The following AKAP9 variants were observed in gnomAD, a reference collection of about 807,000 sequenced individuals.
AKAP9 encodes the protein A-kinase anchoring protein 9.
In AKAP9, 311 loss-of-function variants were observed where a neutral mutation model predicts 488.5. That is an observed-to-expected ratio of 0.64 (90% CI 0.58 to 0.70). AKAP9 has a LOEUF of 0.70. Ranked by LOEUF, AKAP9 falls within the 30% of genes least tolerant of loss-of-function variation. The pLI, the probability that AKAP9 is intolerant of heterozygous loss-of-function variation, is 0.00. For missense variants in AKAP9, 4,215 were observed against 4,374.5 expected (o/e 0.96, Z 1.03); for synonymous variants, 1,462 against 1,483.5 (o/e 0.99, Z 0.33).
Position 92,002,141 on chromosome 7 carries a change from G to T in AKAP9, c.2224G>T (p.Glu742Ter). The T allele has an allele frequency of 1.3e-6, 2 of 1,593,088 alleles. No homozygotes were observed. Among genetic ancestry groups the T allele is most frequent in the South Asian group, 2.3e-5 (2 of 85,342 alleles). Residue 742 changes from glutamate (E) to a stop codon, truncating the protein, a stop_gained, in exon 8 of 50, where the codon GAA (glutamate) becomes TAA (stop). Transcript: ENST00000356239. LOFTEE classifies it high-confidence loss of function. The part of the protein sequence containing the change: ...RQEEKEKGTL[E>*]QEVQELQLKT... ...AGAAGAAAAAGAAAAGGGTACACTT[G>T]AACAAGAAGTTCAAGAATTACAACT...
At position 92,065,252 on chromosome 7, in the gene AKAP9, A is replaced by C; in HGVS notation, c.5999A>C (p.Lys2000Thr). ...VEQQLLQETE[K>T]LMKEKLEVQC... ...ACAGAATTACTACAGGAGACAGAAA[A>C]ATTAATGAAGGAAAAACTAGAAGTA... Residue 2000 changes from lysine (K) to threonine (T), a missense_variant, in exon 25 of 50, where the codon AAA becomes ACA. Transcript: ENST00000356239. 6.2e-7 allele frequency: 1 copy of C among 1,610,488 alleles called. No homozygotes were observed. Among genetic ancestry groups the C allele is most frequent in the African/African-American group, 1.3e-5 (1 of 74,884 alleles).
chr7:92,105,823 C>T (rs2130921777), intron 47 of AKAP9, 60 bp downstream of exon 47: 2 of 1,411,012 alleles, frequency 1.4e-6, no homozygotes, highest in East Asian at 2.3e-5. Flanking sequence ...AGGTCCCCCA[C>T]CCCCAGACTA....
chr7:91,970,509 G>C (rs1422896942), intron 1 of AKAP9: 1 of 456,518 alleles, frequency 2.2e-6, no homozygotes, highest in South Asian at 1.6e-5. Context: ...TGTCAGACAG[G>C]TATGTGTTAG....
intron 11 of AKAP9, among the ~76,000 whole-genome samples, chr7:92,016,578 G>T (rs1378715334): frequency 1.3e-5 from 2 of 151,848 alleles, no homozygotes; most frequent in East Asian, 3.9e-4. Context: ...TAAAGTTATT[G>T]TATTTATTGA....
chr7:91,948,676 A>G (rs1027884576), intron 1 of AKAP9, among the ~76,000 whole-genome samples: 3 of 147,416 alleles, frequency 2.0e-5, no homozygotes, highest in Non-Finnish European at 4.4e-5. Context: ...CAATGGCGCA[A>G]CCTCAGCTCA....
chr7:92,080,599 CA>C (rs34870789), intron 31 of AKAP9, among the ~76,000 whole-genome samples: 60,517 of 141,942 alleles, frequency 0.43, 12,564 homozygotes, highest in African/African-American at 0.51. Context: ...GACTCCATCT[CA>C]AAAAAAAAAA....
chr7:92,028,821 A>G (rs570864430), intron 14 of AKAP9, among the ~76,000 whole-genome samples: 2 of 152,376 alleles, frequency 1.3e-5, no homozygotes, highest in East Asian at 1.9e-4. Context: ...TTTATTATGT[A>G]GAAACATCCA....
chr7:91,999,647 C>T (rs1798887142), intron 7 of AKAP9, among the ~76,000 whole-genome samples: 1 of 152,194 alleles, frequency 6.6e-6, no homozygotes, highest in African/African-American at 2.4e-5. Context: ...ATAACCTGAT[C>T]TATCTATCTC....
chr7:91,952,962 A>G (rs1216785267), intron 1 of AKAP9, among the ~76,000 whole-genome samples: 5 of 152,184 alleles, frequency 3.3e-5, no homozygotes, highest in African/African-American at 9.7e-5. Context: ...GACTACAGGC[A>G]TGAGCCACCC....
In AKAP9 at chr7:92,061,318, A is replaced by T; in HGVS notation, c.5660A>T (p.Gln1887Leu). 6.2e-7 allele frequency: 1 copy of T among 1,613,184 alleles called. No homozygotes were observed. The change falls in exon 23 of 50, where the codon CAA (glutamine) becomes CTA (leucine). Residue 1887 changes from glutamine to leucine, a missense_variant. Gln to Leu is a moderately radical substitution (Grantham distance 113, BLOSUM62 -2). Transcript: ENST00000356239. ...ATGCGTGAGTCATTTAGACAGAAAC[A>T]AGAAGCAACAGAGTCCCTTAAGTGC... Reference protein sequence around the residue: ...ELMRESFRQKQEATESLKCQE... With the variant: ...ELMRESFRQKLEATESLKCQE...
intron 43 of AKAP9, among the ~76,000 whole-genome samples, chr7:92,099,480 A>T (rs1429276472): frequency 6.6e-6 from 1 of 152,172 alleles, no homozygotes; most frequent in Admixed American, 6.5e-5. Context: ...CACCCCGAAA[A>T]CAATACACAC....
rs138940855 is a variant in AKAP9, at chr7:92,071,349, C to T, written c.6612+340C>T. Among the ~76,000 whole-genome samples, 89 of 149,446 alleles carry T rather than the reference C, an allele frequency of 6.0e-4. 1 individual carries two copies. In the Middle Eastern group the frequency reaches 0.014, roughly 24 times the overall value. On this transcript the variant is annotated intron_variant, in intron 28 of 49. Transcript: ENST00000356239. ...GGCAATATATCCCTTTTCTCCTAACCGTAGAATACATATTGAATTATTGCT... is the reference window on the plus strand; with the variant it reads ...GGCAATATATCCCTTTTCTCCTAACTGTAGAATACATATTGAATTATTGCT...
intron 3 of AKAP9, among the ~76,000 whole-genome samples, chr7:91,990,367 C>T (rs1249229437): frequency 1.3e-5 from 2 of 151,978 alleles, no homozygotes; most frequent in East Asian, 3.9e-4. Flanking sequence ...ATTAATGATC[C>T]TGATATTCTG....
chr7:92,085,392 C>G lies in AKAP9; in HGVS notation c.8833-103C>G, dbSNP rs913446006. The stretch of plus-strand genomic sequence containing the variant: ...CAGTAATGTTGGGCTGGAGTTTTCT[C>G]TCTGCAAGCTATCTTGCTTAAAATT... On this transcript the variant is annotated intron_variant, in intron 35 of 49. Coordinates refer to ENST00000356239, the MANE Select transcript of AKAP9 (RefSeq NM_005751.5). 3.5e-6 allele frequency: 4 copies of G among 1,156,688 alleles called. No individual in the cohort carries two copies. The African/African-American group carries it at 6.1e-5, about 18-fold the overall frequency. The allele number at this position is 1,156,688 out of a possible 1,614,324, so 71.7% of individuals were successfully genotyped here. A position where few individuals can be genotyped will look rare whatever the true frequency, so the allele number is the denominator to read the frequency against.
chr7:91,999,972 T>G (rs959478790), intron 7 of AKAP9, among the ~76,000 whole-genome samples: 1 of 152,242 alleles, frequency 6.6e-6, no homozygotes, highest in Non-Finnish European at 1.5e-5. Context: ...TCTGTAGATT[T>G]CATGTATTTA....
At chr7:92,078,929 T>G (rs903939520) in intron 30 of AKAP9, 150 bp from the exon 31 acceptor site, 2 of 549,288 alleles carry the variant, frequency 3.6e-6, no homozygotes, top group African/African-American at 3.8e-5. Flanking sequence ...GAGATATTGG[T>G]CTATAATGAA....
At chr7:91,990,023 T>C (rs1158436296) in intron 3 of AKAP9, among the ~76,000 whole-genome samples, 1 of 152,076 alleles carries the variant, frequency 6.6e-6, no homozygotes, top group African/African-American at 2.4e-5. Flanking sequence ...AAATTTAAAA[T>C]GTACCTCACT....
At chr7:91,980,474 C>A in intron 3 of AKAP9, 141 bp downstream of exon 3, 1 of 191,366 alleles carries the variant, frequency 5.2e-6, no homozygotes, top group Non-Finnish European at 1.0e-5. Flanking sequence ...TGACTAGAAC[C>A]TGAGGATTAT....
chr7:92,095,354 G>GT (rs1304465459), intron 40 of AKAP9, among the ~76,000 whole-genome samples, 181 bp downstream of exon 40: 4 of 151,950 alleles, frequency 2.6e-5, no homozygotes, highest in Admixed American at 2.0e-4. Context: ...GTGGTGATTG[G>GT]TTTTTTTTGT....
Sources: allele counts gnomAD v4.1 joint callset (sites outside exome capture counted in the v4.1 genomes callset), GRCh38; gene constraint gnomAD v4.1.1; transcripts MANE v1.5; gene names NCBI Gene and HGNC (gene_info 2026-07-23, HGNC 2026-07-21).